Variants in ZNF670 observed in about 807,000 individuals in gnomAD.
ZNF670 encodes the protein zinc finger protein 670.
A neutral mutation model predicts 10.9 loss-of-function variants in ZNF670; 7 were observed. The observed-to-expected ratio is 0.64, with a 90% confidence interval of 0.36 to 1.20. ZNF670 has a LOEUF of 1.20. Ranked by LOEUF, ZNF670 falls within the 50% of genes most tolerant of loss-of-function variation. The pLI, the probability that ZNF670 is intolerant of heterozygous loss-of-function variation, is 0.02. For missense variants in ZNF670, 446 were observed against 458.6 expected, an observed-to-expected ratio of 0.97 and a Z score of 0.25; for synonymous variants, 136 against 152.7, an observed-to-expected ratio of 0.89 and a Z score of 0.81.
At chr1:247,062,297 T>C (rs964850794) in intron 1 of ZNF670, among the ~76,000 whole-genome samples, 1 of 152,302 alleles carries the variant, frequency 6.6e-6, no homozygotes, top group African/African-American at 2.4e-5. Flanking sequence ...GTCCTAGAAT[T>C]CCATCTGAAA....
intron 1 of ZNF670, among the ~76,000 whole-genome samples, chr1:247,070,154 A>G (rs1285335591): frequency 6.6e-6 from 1 of 152,072 alleles, no homozygotes. Flanking sequence ...AAATAAAAAA[A>G]TTAAGAAAAA....
At chr1:247,075,663 T>A (rs926309107) in intron 1 of ZNF670, among the ~76,000 whole-genome samples, 3 of 152,208 alleles carry the variant, frequency 2.0e-5, no homozygotes, top group Non-Finnish European at 4.4e-5. Flanking sequence ...CCTGCAGCCA[T>A]CCGCGTAAGA....
intron 1 of ZNF670, among the ~76,000 whole-genome samples, chr1:247,059,593 C>T (rs979663041): frequency 2.6e-5 from 4 of 152,026 alleles, no homozygotes; most frequent in African/African-American, 9.7e-5. Flanking sequence ...ATCACATCAA[C>T]AAGATAAACA....
chr1:247,068,318 CCA>C (rs1491474872), intron 1 of ZNF670, among the ~76,000 whole-genome samples: 769 of 31,994 alleles, frequency 0.024, 42 homozygotes, highest in African/African-American at 0.22. Flanking sequence ...GATTCTGTCT[CCA>C]AAAAAAAAAA....
At chr1:247,055,624 G>A (rs59473905) in intron 1 of ZNF670, among the ~76,000 whole-genome samples, 4,203 of 152,230 alleles carry the variant, frequency 0.028, 194 homozygotes, top group African/African-American at 0.094. Context: ...CTACATTGTG[G>A]TGCATTGGTG....
At chr1:247,072,347 G>T (rs935660091) in intron 1 of ZNF670, among the ~76,000 whole-genome samples, 1 of 145,600 alleles carries the variant, frequency 6.9e-6, no homozygotes, top group Non-Finnish European at 1.5e-5. Flanking sequence ...TTCAGGCAGG[G>T]TCTCATCATG....
chr1:247,059,808 CAAAGTGGT>C lies in ZNF670; in HGVS notation c.3+18778_3+18785del, dbSNP rs1670815622. On this transcript the variant is annotated intron_variant, in intron 1 of 3. Transcript: ENST00000366503. ...TCTCCCTGAGCTAATGAGATTATAG[CAAAGTGGT>C]ACAATGTAAGGTTAATATACAAAAG... Among the ~76,000 whole-genome samples, 4 of 152,236 alleles carry C rather than the reference CAAAGTGGT, an allele frequency of 2.6e-5. No homozygotes were observed. In the South Asian group the frequency reaches 8.3e-4, roughly 32 times the overall value.
chr1:247,042,560 AG>A (rs1670340749), intron 1 of ZNF670, among the ~76,000 whole-genome samples: 1 of 152,224 alleles, frequency 6.6e-6, no homozygotes, highest in South Asian at 2.1e-4. Flanking sequence ...TTCAGTTTCA[AG>A]GGAAAAGATT....
intron 1 of ZNF670, among the ~76,000 whole-genome samples, chr1:247,048,845 T>A (rs1000776552): frequency 6.6e-6 from 1 of 152,208 alleles, no homozygotes; most frequent in Admixed American, 6.5e-5. Flanking sequence ...TACTTCCACC[T>A]GGTCTCTCAA....
chr1:247,076,459 C>T (rs1234776787), intron 1 of ZNF670, among the ~76,000 whole-genome samples: 12 of 151,698 alleles, frequency 7.9e-5, no homozygotes, highest in African/African-American at 2.7e-4. Flanking sequence ...GGTTTCATCA[C>T]ATTAGCCAGG....
At chr1:247,057,653 T>C (rs1055843000) in intron 1 of ZNF670, among the ~76,000 whole-genome samples, 2 of 152,044 alleles carry the variant, frequency 1.3e-5, no homozygotes, top group South Asian at 2.1e-4. Context: ...TATTTAGCCA[T>C]AAAAAAAGAA....
At position 247,036,033 on chromosome 1, in the gene ZNF670, A is replaced by C. The variant is rs576803334; in HGVS notation, c.*1416T>G. On this transcript the variant is annotated 3_prime_UTR_variant, in exon 4 of 4. Transcript: ENST00000366503. ...TGGGGTTTACAGATGTTCAACCTGTAGATAAAATACTTATATTCCATGATG... is the reference window on the plus strand; with the variant it reads ...TGGGGTTTACAGATGTTCAACCTGTCGATAAAATACTTATATTCCATGATG... Among the ~76,000 whole-genome samples the C allele has an allele frequency of 9.8e-5, 15 of 152,356 alleles. No individual in the cohort carries two copies. The highest frequency in any genetic ancestry group is 3.6e-4 in the African/African-American group (15 of 41,582).
intron 1 of ZNF670, among the ~76,000 whole-genome samples, chr1:247,063,301 C>T (rs957358655): frequency 8.5e-5 from 13 of 152,064 alleles, no homozygotes; most frequent in African/African-American, 2.2e-4. Context: ...AGGCCAGGCG[C>T]GGTGGCTCAC....
Position 247,078,742 on chromosome 1 carries a change from G to T in ZNF670, c.-146C>A. On this transcript the variant is annotated 5_prime_UTR_variant, in exon 1 of 4. Coordinates refer to ENST00000366503, the MANE Select transcript of ZNF670 (RefSeq NM_033213.5). ...GAGACGCACCGAGCTCGCCACATTC[G>T]CGCTGCCCAACACAAAAGCCGCGCC... 1 of 852,534 alleles carries T rather than the reference G, an allele frequency of 1.2e-6. No individual in the cohort carries two copies. Among genetic ancestry groups the T allele is most frequent in the Middle Eastern group, 2.7e-4 (1 of 3,738 alleles). 52.8% of individuals were successfully genotyped at this position (852,534 alleles called of 1,614,324 possible).
chr1:247,038,529 T>A, intron 3 of ZNF670, 102 bp from the exon 4 acceptor site: 2 of 1,223,228 alleles, frequency 1.6e-6, no homozygotes, highest in Non-Finnish European at 2.2e-6. Flanking sequence ...TAAATTGTTT[T>A]AAAGTAAATA....
chr1:247,075,538 A>C (rs1010687036), intron 1 of ZNF670, among the ~76,000 whole-genome samples: 1 of 152,198 alleles, frequency 6.6e-6, no homozygotes, highest in Non-Finnish European at 1.5e-5. Flanking sequence ...GTGGGAGGTA[A>C]TTGAATCATG....
At chr1:247,040,903 C>T (rs771466516) in intron 1 of ZNF670, among the ~76,000 whole-genome samples, 6 of 152,138 alleles carry the variant, frequency 3.9e-5, no homozygotes, top group Non-Finnish European at 7.3e-5. Context: ...CCATGTTGCC[C>T]AGGCTGATCT....
chr1:247,073,237 C>A (rs1283197836), intron 1 of ZNF670, among the ~76,000 whole-genome samples: 1 of 152,176 alleles, frequency 6.6e-6, no homozygotes, highest in African/African-American at 2.4e-5. Flanking sequence ...ACATTCAAAT[C>A]ATGGAATAAA....
At position 247,037,847 on chromosome 1, in the gene ZNF670, A is replaced by T. The variant is rs1670197707; in HGVS notation, c.772T>A (p.Cys258Ser). 1 of 1,613,458 alleles carries T rather than the reference A, an allele frequency of 6.2e-7. No homozygotes were observed. Among genetic ancestry groups the T allele is most frequent in the Admixed American group, 1.7e-5 (1 of 59,894 alleles). The stretch of plus-strand genomic sequence containing the variant: ...GTGGAACGACTGAAGGCTTTGCCAC[A>T]TTCCTTACATTCATAGGGTTTCTCT... ...TGEKPYECKE[C>S]GKAFSRSTYL... The change falls in exon 4 of 4, where the codon TGT becomes AGT. Residue 258 changes from cysteine to serine, a missense_variant. Physicochemically the swap from Cys to Ser is moderately radical, Grantham distance 112 (BLOSUM62 -1). Coordinates refer to ENST00000366503, the MANE Select transcript of ZNF670 (RefSeq NM_033213.5).
Sources: gnomAD v4.1 joint callset for allele counts (sites outside exome capture counted in the v4.1 genomes callset) on GRCh38, gnomAD v4.1.1 for gene constraint, MANE v1.5 for transcripts, NCBI Gene and HGNC (gene_info 2026-07-23, HGNC 2026-07-21) for gene names.